Variants in PLB1 observed in about 807,000 individuals in gnomAD.
PLB1 encodes the protein phospholipase B1.
A neutral mutation model predicts 227.4 loss-of-function variants in PLB1; 242 were observed. The observed-to-expected ratio is 1.06, with a 90% CI of 0.96 to 1.18. The LOEUF (loss-of-function observed/expected upper bound fraction) is 1.18, where lower values mean the gene tolerates loss of function less well. Among genes scored for constraint, PLB1 ranks in the 50% most tolerant of loss-of-function variants. The probability of loss-of-function intolerance (pLI) is 0.00; values close to 1 mark genes in which losing one functional copy is unlikely to be tolerated. For synonymous variants in PLB1, 757 were observed against 682.2 expected (o/e 1.11, Z -1.71); for missense variants, 1,858 against 1,816.3 (o/e 1.02, Z -0.42).
At chr2:28,499,422 C>A (rs1049771325) in intron 1 of PLB1, among the ~76,000 whole-genome samples, 1 of 152,078 alleles carries the variant, frequency 6.6e-6, no homozygotes, top group Non-Finnish European at 1.5e-5. Flanking sequence ...ACCTAACACA[C>A]ATAATCCTGC....
intron 43 of PLB1, among the ~76,000 whole-genome samples, chr2:28,612,501 G>A (rs949593701): frequency 2.6e-5 from 4 of 152,118 alleles, no homozygotes; most frequent in African/African-American, 9.7e-5. Context: ...ATAAAGTGGG[G>A]CATTTGGGGG....
rs79899913 is a variant in PLB1, at chr2:28,553,239, T to C, written c.1147+248T>C. On this transcript the variant is annotated intron_variant, in intron 17 of 57. Coordinates refer to ENST00000327757, the MANE Select transcript of PLB1 (RefSeq NM_153021.5). ...GCCATGTTCTGCAAAGAACCCAATGTTAGTTGTGTGAGTTGTCATCGTCCC... is the reference window on the plus strand; with the variant it reads ...GCCATGTTCTGCAAAGAACCCAATGCTAGTTGTGTGAGTTGTCATCGTCCC... Among the ~76,000 whole-genome samples the C allele has an allele frequency of 2.0e-4, 31 of 152,326 alleles. No individual in the cohort carries two copies. In the East Asian group the frequency reaches 4.4e-3, roughly 22 times the overall value.
chr2:28,595,445 G>C (rs1682747826), intron 33 of PLB1: 1 of 152,178 alleles, frequency 6.6e-6, no homozygotes, highest in South Asian at 2.1e-4. Context: ...CTCCAGACCT[G>C]TTCCTGGAGA....
chr2:28,515,674 A>G (rs753832143), intron 1 of PLB1, among the ~76,000 whole-genome samples: 3 of 152,198 alleles, frequency 2.0e-5, no homozygotes, highest in Non-Finnish European at 4.4e-5. Context: ...TGTGGTGGAA[A>G]AGAAATCAAT....
Position 28,589,367 on chromosome 2 carries a change from T to C in PLB1, c.1816-83T>C. The C allele has an allele frequency of 2.9e-6, 3 of 1,027,550 alleles. No individual in the cohort carries two copies. In the East Asian group the frequency reaches 7.2e-5, roughly 25 times the overall value. The allele number at this position is 1,027,550 out of a possible 1,614,324, so 63.7% of individuals were successfully genotyped here. A position where few individuals can be genotyped will look rare whatever the true frequency, so the allele number is the denominator to read the frequency against. On this transcript the variant is annotated intron_variant, in intron 26 of 57. Coordinates refer to ENST00000327757, the MANE Select transcript of PLB1 (RefSeq NM_153021.5). Reference sequence around the variant, plus strand: ...ACTCAACAGTCAGATTCTGTTTAATTCTGTGTTGGAGAAAGAGATCAATCA... The same window carrying C: ...ACTCAACAGTCAGATTCTGTTTAATCCTGTGTTGGAGAAAGAGATCAATCA...
intron 17 of PLB1, among the ~76,000 whole-genome samples, chr2:28,558,994 G>A (rs1675604090): frequency 6.6e-6 from 1 of 152,012 alleles, no homozygotes; most frequent in African/African-American, 2.4e-5. Flanking sequence ...CTAAGTGCTG[G>A]GATTATAGGC....
At chr2:28,541,585 C>T (rs13406540) in intron 12 of PLB1, 122 bp from the exon 13 acceptor site, 344,117 of 684,842 alleles carry the variant, frequency 0.5, 88,370 homozygotes, top group East Asian at 0.74. Context: ...CAGAATAGCA[C>T]TTGACCACAA....
Position 28,579,633 on chromosome 2 carries a change from C to G in PLB1, c.1492C>G (p.His498Asp), listed in dbSNP as rs778285036. ...GTGTTTCTATTCATTTCAGAGGATA[C>G]ACTTTCAGGAAGACTGGAAGATAAT... ...VDLMKNDTRI[H>D]FQEDWKIITL... The change falls in exon 23 of 58, where the codon CAC becomes GAC. Residue 498 changes from histidine to aspartate, a missense_variant. By Grantham distance (81) the His-to-Asp change is moderately conservative (BLOSUM62 -1). Transcript: ENST00000327757. 9 of 1,610,790 alleles carry G rather than the reference C, an allele frequency of 5.6e-6. No individual in the cohort carries two copies. The highest frequency in any genetic ancestry group is 1.3e-5 in the African/African-American group (1 of 74,858).
Position 28,578,059 on chromosome 2 carries a change from C to T in PLB1, c.1434-48C>T, listed in dbSNP as rs748073610. 2.2e-5 allele frequency: 35 copies of T among 1,585,016 alleles called. No individual in the cohort carries two copies. In the East Asian group the frequency reaches 3.4e-4, roughly 15 times the overall value. ...TTGCTGTTCTCTCTGCTAAGGGCCC[C>T]TGCCAGTCCCCACTCCTCACAGCAC... On this transcript the variant is annotated intron_variant, in intron 21 of 57. Coordinates refer to ENST00000327757, the MANE Select transcript of PLB1 (RefSeq NM_153021.5).
intron 50 of PLB1, among the ~76,000 whole-genome samples, chr2:28,625,457 T>G (rs1281902169): frequency 3.3e-5 from 5 of 152,046 alleles, no homozygotes; most frequent in Admixed American, 6.5e-5. Flanking sequence ...CTCATTCCAA[T>G]CCAGTTCTGC....
chr2:28,593,451 T>G (rs771947307), intron 32 of PLB1, among the ~76,000 whole-genome samples: 2 of 152,168 alleles, frequency 1.3e-5, no homozygotes, highest in Non-Finnish European at 2.9e-5. Context: ...ACACTCCCTG[T>G]GAGATGAGCA....
Position 28,585,824 on chromosome 2 carries a change from A to T in PLB1, c.1797A>T (p.Glu599Asp). Residue 599 changes from glutamate to aspartate, a missense_variant, in exon 26 of 58, where the codon GAA (glutamate) becomes GAT (aspartate). Transcript: ENST00000327757. ...CAACAGAACTTGCTACCCTCATCGA[A>T]TTCAACAAGAAGTTTCAGGTAAGCC... ...DNSTELATLI[E>D]FNKKFQEKTH... The T allele has an allele frequency of 6.2e-7, 1 of 1,609,336 alleles. No homozygotes were observed. The highest frequency in any genetic ancestry group is 8.5e-7 in the Non-Finnish European group (1 of 1,175,652).
Position 28,579,651 on chromosome 2 carries a change from A to G in PLB1, c.1510A>G (p.Lys504Glu). Reference protein sequence around the residue: ...DTRIHFQEDWKIITLFIGGND... With the variant: ...DTRIHFQEDWEIITLFIGGND... ...GAGGATACACTTTCAGGAAGACTGGAAGATAATAACCCTGTTTATAGGCGG... is the reference window on the plus strand; with the variant it reads ...GAGGATACACTTTCAGGAAGACTGGGAGATAATAACCCTGTTTATAGGCGG... Residue 504 changes from lysine (K) to glutamate (E), a missense_variant, in exon 23 of 58, where the codon AAG (lysine) becomes GAG (glutamate). By Grantham distance (56) the Lys-to-Glu change is moderately conservative. Coordinates refer to ENST00000327757, the MANE Select transcript of PLB1 (RefSeq NM_153021.5). 1 of 1,613,206 alleles carries G rather than the reference A, an allele frequency of 6.2e-7. No homozygotes were observed. The highest frequency in any genetic ancestry group is 8.5e-7 in the Non-Finnish European group (1 of 1,179,258).
chr2:28,578,676 A>G (rs571746485), intron 22 of PLB1, among the ~76,000 whole-genome samples: 64 of 152,272 alleles, frequency 4.2e-4, no homozygotes, highest in African/African-American at 1.5e-3. Context: ...ATGAATATGC[A>G]GCTCTCCCTC....
chr2:28,585,642 C>T, intron 25 of PLB1, 119 bp from the exon 26 acceptor site: 1 of 849,636 alleles, frequency 1.2e-6, no homozygotes, highest in Non-Finnish European at 2.0e-6. Context: ...CTCATTAGCA[C>T]AGATCTCTGA....
intron 56 of PLB1, among the ~76,000 whole-genome samples, chr2:28,637,984 G>T (rs376430852): frequency 6.6e-6 from 1 of 151,972 alleles, no homozygotes; most frequent in Non-Finnish European, 1.5e-5. Flanking sequence ...GCCTTCCCCC[G>T]CCAAGCTTCT....
At chr2:28,631,152 C>CTCA (rs1688575857) in intron 54 of PLB1, among the ~76,000 whole-genome samples, 2 of 137,666 alleles carry the variant, frequency 1.5e-5, no homozygotes, top group African/African-American at 5.3e-5. Context: ...GACCCTATCT[C>CTCA]AAAAAAAAAA....
In PLB1 at chr2:28,643,099, C is replaced by CA; in HGVS notation, c.*39dup. 6.6e-7 allele frequency: 1 copy of CA among 1,512,914 alleles called. No homozygotes were observed. Among genetic ancestry groups the CA allele is most frequent in the Non-Finnish European group, 8.9e-7 (1 of 1,121,538 alleles). The allele number at this position is 1,512,914 out of a possible 1,614,324, so 93.7% of individuals were successfully genotyped here. A position where few individuals can be genotyped will look rare whatever the true frequency, so the allele number is the denominator to read the frequency against. Reference sequence around the variant, plus strand: ...GTCCTCACCCTAAACTCCCTATAGCCACTCTCTTCACCGCCCTCTGCCCCA... The same window carrying CA: ...GTCCTCACCCTAAACTCCCTATAGCCAACTCTCTTCACCGCCCTCTGCCCCA... On this transcript the variant is annotated 3_prime_UTR_variant, in exon 58 of 58. Transcript: ENST00000327757.
At chr2:28,514,302 G>A (rs1042071389) in intron 1 of PLB1, among the ~76,000 whole-genome samples, 2 of 151,970 alleles carry the variant, frequency 1.3e-5, no homozygotes, top group Non-Finnish European at 2.9e-5. Context: ...TGATCTAGTT[G>A]GTTATTCTTT....
Sources: gnomAD v4.1 joint callset for allele counts (sites outside exome capture counted in the v4.1 genomes callset) on GRCh38, gnomAD v4.1.1 for gene constraint, MANE v1.5 for transcripts, NCBI Gene and HGNC (gene_info 2026-07-23, HGNC 2026-07-21) for gene names.